The following NECAB1 variants were observed in gnomAD, a reference collection of about 807,000 sequenced individuals.
NECAB1 encodes the protein N-terminal EF-hand calcium binding protein 1.
A neutral mutation model predicts 57.5 loss-of-function variants in NECAB1; 29 were observed. The ratio of observed to expected loss-of-function variants is 0.50; its 90% confidence interval spans 0.38 to 0.69. The LOEUF is 0.69. Ranked by LOEUF, NECAB1 falls within the 30% of genes least tolerant of loss-of-function variation. The pLI is 0.00. For synonymous variants in NECAB1, 142 were observed against 147.7 expected, an observed-to-expected ratio of 0.96 and a Z score of 0.28; for missense variants, 372 against 413.8, an observed-to-expected ratio of 0.90 and a Z score of 0.88.
At chr8:90,792,026 A>G in intron 1 of NECAB1, 41 bp downstream of exon 1, 3 of 1,487,988 alleles carry the variant, frequency 2.0e-6, no homozygotes, top group East Asian at 2.5e-5. Flanking sequence ...GCTTCCCAGC[A>G]CCTTTCTTTT....
intron 6 of NECAB1, among the ~76,000 whole-genome samples, chr8:90,917,870 A>ATATATATATATATATATATATATATGTG (rs1554575432): frequency 3.0e-4 from 19 of 64,318 alleles, no homozygotes; most frequent in African/African-American, 6.3e-4. Flanking sequence ...ATATATATAT[A>ATATATATATATATATATATATATATGTG]TGTGTGTGTG....
At chr8:90,940,669 A>G in intron 9 of NECAB1, 117 bp from the exon 10 acceptor site, 1 of 720,570 alleles carries the variant, frequency 1.4e-6, no homozygotes, top group Non-Finnish European at 2.4e-6. Context: ...TTCCTTGGTC[A>G]TATTTTTGGA....
At chr8:90,869,665 A>G (rs944710876) in intron 3 of NECAB1, among the ~76,000 whole-genome samples, 1 of 152,222 alleles carries the variant, frequency 6.6e-6, no homozygotes, top group African/African-American at 2.4e-5. Context: ...AGGAGTATTT[A>G]GCCAGTGCCT....
chr8:90,849,152 CCAGTAAGGAGACTG>C (rs1812631049), intron 3 of NECAB1, among the ~76,000 whole-genome samples: 1 of 152,098 alleles, frequency 6.6e-6, no homozygotes, highest in South Asian at 2.1e-4. Flanking sequence ...TTTAGTGCAT[CCAGTAAGGAGACTG>C]CATCAATCTA....
rs1811980230 is a variant in NECAB1, at chr8:90,812,570, A to T, written c.124+10855A>T. 2.6e-5 allele frequency: 4 copies of T among 152,192 alleles called. No individual in the cohort carries two copies. In the South Asian group the frequency reaches 8.3e-4, roughly 32 times the overall value. The allele number at this position is 152,192 out of a possible 1,614,324, so 9.4% of individuals were successfully genotyped here. On this transcript the variant is annotated intron_variant, in intron 2 of 12. Coordinates refer to ENST00000417640, the MANE Select transcript of NECAB1 (RefSeq NM_022351.5). ...GTGACAAAAATATTTTGATGTAACA[A>T]ATGAGCCTTCCCCAAAAAGTACCTA... is the stretch of plus-strand genomic sequence containing the variant.
intron 5 of NECAB1, among the ~76,000 whole-genome samples, chr8:90,909,655 T>C (rs1035399099): frequency 7.6e-6 from 1 of 131,776 alleles, no homozygotes. Context: ...TTGGAAAACC[T>C]TGTGGTAATC....
At chr8:90,954,161 G>C (rs1237405920) in intron 12 of NECAB1, among the ~76,000 whole-genome samples, 1 of 151,454 alleles carries the variant, frequency 6.6e-6, no homozygotes, top group Non-Finnish European at 1.5e-5. Context: ...AAGAAAAAAA[G>C]CAGATATTAC....
At position 90,934,285 on chromosome 8, in the gene NECAB1, T is replaced by C. The variant is rs1283424189; in HGVS notation, c.694-19T>C. The C allele has an allele frequency of 6.6e-7, 1 of 1,505,054 alleles. No individual in the cohort carries two copies. The highest frequency in any genetic ancestry group is 1.7e-4 in the Middle Eastern group (1 of 5,834). 93.2% of individuals were successfully genotyped at this position (1,505,054 alleles called of 1,614,324 possible). ...ATATAATTTTTTTTCTTTTCTGCCA[T>C]TTCTTCCTCTTATTGAAGGATCTCA... On this transcript the variant is annotated intron_variant, in intron 8 of 12. Transcript: ENST00000417640.
chr8:90,872,492 A>G, intron 4 of NECAB1: 1 of 182,160 alleles, frequency 5.5e-6, no homozygotes, highest in Non-Finnish European at 1.1e-5. Context: ...TATATTGTGC[A>G]GAGCCTTTTG....
intron 1 of NECAB1, among the ~76,000 whole-genome samples, chr8:90,792,774 A>C (rs534995234): frequency 2.7e-5 from 4 of 150,810 alleles, no homozygotes; most frequent in African/African-American, 7.3e-5. Flanking sequence ...TTTATTTCTT[A>C]TTTATTTCTC....
intron 3 of NECAB1, among the ~76,000 whole-genome samples, chr8:90,827,385 C>T (rs1441708656): frequency 1.3e-5 from 2 of 152,024 alleles, no homozygotes; most frequent in Non-Finnish European, 2.9e-5. Context: ...TGAACATTTG[C>T]TGCTGAGGCC....
At chr8:90,820,211 A>G (rs9297887) in intron 2 of NECAB1, among the ~76,000 whole-genome samples, 62,470 of 151,732 alleles carry the variant, frequency 0.41, 14,028 homozygotes, top group East Asian at 0.81. Flanking sequence ...TGTCCAATGA[A>G]TCGAAGAAAA....
At chr8:90,927,610 TACACAC>T (rs71560287) in intron 7 of NECAB1, among the ~76,000 whole-genome samples, 47 of 143,944 alleles carry the variant, frequency 3.3e-4, no homozygotes, top group African/African-American at 5.4e-4. Context: ...TGGTGCTAGA[TACACAC>T]ACACACACAC....
chr8:90,887,710 T>A (rs1809040795), intron 5 of NECAB1, among the ~76,000 whole-genome samples: 1 of 152,154 alleles, frequency 6.6e-6, no homozygotes, highest in South Asian at 2.1e-4. Context: ...GACCCTACTT[T>A]GACTTTTTAA....
chr8:90,954,902 ATATG>A lies in NECAB1; in HGVS notation c.1031-579_1031-576del, dbSNP rs545849992. 5.6e-4 allele frequency among the ~76,000 whole-genome samples: 82 copies of A among 147,042 alleles called. No individual in the cohort carries two copies. The South Asian group carries it at 9.3e-3, about 17-fold the overall frequency. Reference sequence around the variant, plus strand: ...GTATATTATGTGTATGCATATGCATATATGTATGTGTATACAAATGCATATGTAT... The same window carrying A: ...GTATATTATGTGTATGCATATGCATATATGTGTATACAAATGCATATGTAT... On this transcript the variant is annotated intron_variant, in intron 12 of 12. Transcript: ENST00000417640.
chr8:90,792,028 C>T, intron 1 of NECAB1, 43 bp downstream of exon 1: 3 of 1,479,638 alleles, frequency 2.0e-6, no homozygotes, highest in Non-Finnish European at 2.8e-6. Flanking sequence ...TTCCCAGCAC[C>T]TTTCTTTTCC....
At chr8:90,930,428 G>A (rs943693246) in intron 8 of NECAB1, among the ~76,000 whole-genome samples, 1 of 152,164 alleles carries the variant, frequency 6.6e-6, no homozygotes, top group African/African-American at 2.4e-5. Flanking sequence ...GTGAACTAGT[G>A]TTTTTGATGT....
intron 5 of NECAB1, among the ~76,000 whole-genome samples, chr8:90,903,377 T>A (rs773703443): frequency 2.0e-5 from 3 of 151,514 alleles, no homozygotes; most frequent in Admixed American, 6.6e-5. Flanking sequence ...TACAGCTTTA[T>A]CTGCAGAAAA....
chr8:90,799,666 TCTGTTTTTTGTAC>T lies in NECAB1; in HGVS notation c.100-2023_100-2011del, dbSNP rs1406357542. On this transcript the variant is annotated intron_variant, in intron 1 of 12. Coordinates refer to ENST00000417640, the MANE Select transcript of NECAB1 (RefSeq NM_022351.5). Reference sequence around the variant, plus strand: ...TTCTCTATTCTGTTTCATTTTTGTATCTGTTTTTTGTACCAGTACCATGCTGTTTTGTCTACTG... The same window carrying T: ...TTCTCTATTCTGTTTCATTTTTGTATCAGTACCATGCTGTTTTGTCTACTG... 2.0e-5 allele frequency among the ~76,000 whole-genome samples: 3 copies of T among 152,298 alleles called. No homozygotes were observed. In the East Asian group the frequency reaches 5.8e-4, roughly 29 times the overall value.
Sources: allele counts gnomAD v4.1 joint callset (sites outside exome capture counted in the v4.1 genomes callset), GRCh38; gene constraint gnomAD v4.1.1; transcripts MANE v1.5; gene names NCBI Gene and HGNC (gene_info 2026-07-23, HGNC 2026-07-21).